The following WWOX variants were observed in gnomAD, a reference collection of about 807,000 sequenced individuals.
WWOX encodes WW domain-containing oxidoreductase.
Under a neutral mutation model 46.2 loss-of-function variants are expected in WWOX, and 69 were observed. The ratio of observed to expected loss-of-function variants is 1.49; its 90% CI spans 1.23 to 1.82. The LOEUF (loss-of-function observed/expected upper bound fraction) is 1.82, where lower values mean the gene tolerates loss of function less well. Ranked by LOEUF, WWOX falls within the 40% of genes most tolerant of loss-of-function variation. The pLI is 0.00. For synonymous variants in WWOX, 359 were observed against 202.6 expected, an observed-to-expected ratio of 1.77 and a Z score of -6.56; for missense variants, 919 against 542.6, an observed-to-expected ratio of 1.69 and a Z score of -6.89.
At chr16:78,545,944 C>T (rs968813494) in intron 8 of WWOX, among the ~76,000 whole-genome samples, 1 of 152,102 alleles carries the variant, frequency 6.6e-6, no homozygotes, top group African/African-American at 2.4e-5. Context: ...ACTTAGTTAC[C>T]CTTTCAAAGG....
intron 8 of WWOX, among the ~76,000 whole-genome samples, chr16:79,197,184 G>T (rs1288349573): frequency 6.6e-6 from 1 of 152,070 alleles, no homozygotes; most frequent in Non-Finnish European, 1.5e-5. Flanking sequence ...ACCCTAAGCT[G>T]GTTTGGGTTT....
At chr16:79,035,422 G>T (rs1311402302) in intron 8 of WWOX, among the ~76,000 whole-genome samples, 1 of 151,886 alleles carries the variant, frequency 6.6e-6, no homozygotes, top group Non-Finnish European at 1.5e-5. Flanking sequence ...TTGGTGCTGT[G>T]AACAGGGCTA....
chr16:78,711,588 C>G (rs147440723), intron 8 of WWOX, among the ~76,000 whole-genome samples: 10 of 152,272 alleles, frequency 6.6e-5, no homozygotes, highest in Admixed American at 6.5e-5. Flanking sequence ...AATGATAAAC[C>G]TTAACGCTTA....
chr16:78,923,555 A>C (rs146809221), intron 8 of WWOX, among the ~76,000 whole-genome samples: 1 of 152,108 alleles, frequency 6.6e-6, no homozygotes, highest in Non-Finnish European at 1.5e-5. Context: ...CATAATATAT[A>C]TAAATTTTCC....
intron 8 of WWOX, among the ~76,000 whole-genome samples, chr16:78,959,379 A>G (rs2046230478): frequency 6.6e-6 from 1 of 152,262 alleles, no homozygotes; most frequent in East Asian, 1.9e-4. Context: ...AGAGATGTCC[A>G]TGTTTTGGAA....
At chr16:79,118,448 A>G (rs2049562613) in intron 8 of WWOX, among the ~76,000 whole-genome samples, 2 of 152,200 alleles carry the variant, frequency 1.3e-5, no homozygotes, top group African/African-American at 4.8e-5. Context: ...TATTGTAAGA[A>G]TTATCAAAAT....
chr16:78,335,876 G>T (rs560192651), intron 5 of WWOX, among the ~76,000 whole-genome samples: 1 of 152,274 alleles, frequency 6.6e-6, no homozygotes, highest in Non-Finnish European at 1.5e-5. Flanking sequence ...TGGATCGCTT[G>T]AGGCCAGGAG....
At chr16:78,474,322 G>C (rs1231659523) in intron 8 of WWOX, among the ~76,000 whole-genome samples, 4 of 152,176 alleles carry the variant, frequency 2.6e-5, no homozygotes, top group African/African-American at 9.7e-5. Context: ...TTTGATTTCA[G>C]CACCTTTCTG....
At chr16:78,983,226 T>C (rs1355343159) in intron 8 of WWOX, among the ~76,000 whole-genome samples, 1 of 152,210 alleles carries the variant, frequency 6.6e-6, no homozygotes, top group African/African-American at 2.4e-5. Flanking sequence ...GACACTCAAA[T>C]TGTTTATCCT....
intron 8 of WWOX, chr16:78,756,973 A>G (rs752281148): frequency 6.0e-5 from 42 of 702,890 alleles, no homozygotes; most frequent in Non-Finnish European, 9.9e-5. Context: ...AGGATACTCA[A>G]GCATACCCGT....
intron 5 of WWOX, among the ~76,000 whole-genome samples, chr16:78,238,693 C>T (rs12928313): frequency 0.26 from 39,414 of 151,768 alleles, 5,785 homozygotes; most frequent in Non-Finnish European, 0.34. Flanking sequence ...GATCTTGGCT[C>T]GCCATGATCT....
chr16:78,314,679 C>T (rs1203418302), intron 5 of WWOX, among the ~76,000 whole-genome samples: 1 of 143,894 alleles, frequency 6.9e-6, no homozygotes, highest in East Asian at 2.2e-4. Flanking sequence ...CACACCCCAC[C>T]CTGCAGGGGT....
chr16:78,197,177 C>T (rs1193915146), intron 5 of WWOX, among the ~76,000 whole-genome samples: 3 of 152,148 alleles, frequency 2.0e-5, no homozygotes, highest in Non-Finnish European at 2.9e-5. Flanking sequence ...GAAACTGAGG[C>T]TCGGCGATAC....
At chr16:78,852,399 C>T (rs1359542071) in intron 8 of WWOX, among the ~76,000 whole-genome samples, 1 of 152,154 alleles carries the variant, frequency 6.6e-6, no homozygotes, top group Non-Finnish European at 1.5e-5. Flanking sequence ...AGCTAGACAC[C>T]ATGTTGCGAG....
intron 5 of WWOX, among the ~76,000 whole-genome samples, chr16:78,255,775 A>G (rs765717966): frequency 9.2e-5 from 14 of 152,302 alleles, no homozygotes; most frequent in Non-Finnish European, 1.5e-4. Flanking sequence ...TTATAAATCC[A>G]TGTACTCCTC....
intron 8 of WWOX, among the ~76,000 whole-genome samples, chr16:78,524,775 T>C (rs1257606657): frequency 2.7e-5 from 4 of 150,884 alleles, no homozygotes; most frequent in African/African-American, 7.3e-5. Flanking sequence ...ATATTTAATA[T>C]ATAGTAAGGG....
intron 5 of WWOX, among the ~76,000 whole-genome samples, chr16:78,365,665 A>T (rs1004775139): frequency 2.0e-5 from 3 of 152,152 alleles, no homozygotes; most frequent in African/African-American, 4.8e-5. Flanking sequence ...TGTCGTTTAG[A>T]TTAGGAACAG....
rs191534955 is a variant in WWOX at position 78,387,007 on chromosome 16, C to T, written c.605+59C>T. ...TTTCTTGCTATTGTAATATCTTTAT[C>T]AGATGAACACAATTGGGAGAATGCA... On this transcript the variant is annotated intron_variant, in intron 6 of 8. Transcript: ENST00000566780. 5 of 1,511,892 alleles carry T rather than the reference C, an allele frequency of 3.3e-6. No homozygotes were observed. In the South Asian group the frequency reaches 4.5e-5, roughly 14 times the overall value. 93.7% of individuals were successfully genotyped at this position (1,511,892 alleles called of 1,614,324 possible). A position where few individuals can be genotyped will look rare whatever the true frequency, so the allele number is the denominator to read the frequency against.
At chr16:78,900,405 A>G (rs185239940) in intron 8 of WWOX, among the ~76,000 whole-genome samples, 21 of 152,300 alleles carry the variant, frequency 1.4e-4, no homozygotes, top group Admixed American at 1.3e-3. Context: ...GGGCACCCAA[A>G]TAATTTGTTT....
Sources: allele counts gnomAD v4.1 joint callset (sites outside exome capture counted in the v4.1 genomes callset), GRCh38; gene constraint gnomAD v4.1.1; transcripts MANE v1.5; gene names NCBI Gene and HGNC (gene_info 2026-07-23, HGNC 2026-07-21).